The following PCSK6 variants were observed in gnomAD, a reference collection of about 807,000 sequenced individuals.
PCSK6 encodes the protein paired basic amino acid cleaving enzyme 4.
A neutral mutation model predicts 123.3 loss-of-function variants in PCSK6; 85 were observed. The observed-to-expected ratio is 0.69, with a 90% CI of 0.58 to 0.83. PCSK6 has a LOEUF of 0.83. PCSK6 is among the 40% of genes least tolerant of loss of function. PCSK6 has a pLI of 0.00. For synonymous variants in PCSK6, 508 were observed against 516.0 expected (o/e 0.98, Z 0.21); for missense variants, 1,191 against 1,282.3 (o/e 0.93, Z 1.09).
At chr15:101,311,647 T>C (rs28838282) in intron 20 of PCSK6, among the ~76,000 whole-genome samples, 5,930 of 61,358 alleles carry the variant, frequency 0.097, 323 homozygotes, top group African/African-American at 0.2. Context: ...CCCTCACAGC[T>C]CACCCCATCG....
chr15:101,326,906 G>A (rs143914795), intron 15 of PCSK6, among the ~76,000 whole-genome samples: 4 of 152,342 alleles, frequency 2.6e-5, no homozygotes, highest in Non-Finnish European at 5.9e-5. Context: ...CAACACAAGA[G>A]GGGGTGCTGA....
At position 101,488,167 on chromosome 15, in the gene PCSK6, G is replaced by A. The variant is rs567392474; in HGVS notation, c.297+1207C>T. Among the ~76,000 whole-genome samples the A allele has an allele frequency of 1.6e-3, 239 of 152,232 alleles. 1 individual carries two copies. Among genetic ancestry groups the A allele is most frequent in the African/African-American group, 5.6e-3 (231 of 41,540 alleles). On this transcript the variant is annotated intron_variant, in intron 1 of 21. Transcript: ENST00000611716. ...ACCACACCTTGCTGGCTTCTGCCAC[G>A]GATAACGATGAAACTACATTTAACA...
chr15:101,306,837 C>T (rs1307152005), intron 21 of PCSK6, among the ~76,000 whole-genome samples: 1 of 152,128 alleles, frequency 6.6e-6, no homozygotes, highest in Non-Finnish European at 1.5e-5. Flanking sequence ...AGAGACCCTC[C>T]AGGCTTCCTG....
Position 101,407,099 on chromosome 15 carries a change from T to C in PCSK6, c.824-8523A>G, listed in dbSNP as rs61010361. 3.1e-4 allele frequency among the ~76,000 whole-genome samples: 46 copies of C among 150,250 alleles called. No individual in the cohort carries two copies. The East Asian group carries it at 8.9e-3, about 29-fold the overall frequency. On this transcript the variant is annotated intron_variant, in intron 6 of 21. Coordinates refer to ENST00000611716, the MANE Select transcript of PCSK6 (RefSeq NM_002570.5). ...CGTGACCAGCGTGGGAGGCTGGCAG[T>C]GTGGTGTGGCAAGGGTATGGCCCCT... is the stretch of plus-strand genomic sequence containing the variant.
intron 6 of PCSK6, among the ~76,000 whole-genome samples, chr15:101,414,054 T>A (rs1596309540): frequency 3.3e-5 from 5 of 152,258 alleles, no homozygotes; most frequent in Middle Eastern, 3.4e-3. Flanking sequence ...TAATATCAGA[T>A]AAAGTAGACT....
chr15:101,315,433 T>C (rs2039966709), intron 19 of PCSK6, among the ~76,000 whole-genome samples: 1 of 152,236 alleles, frequency 6.6e-6, no homozygotes, highest in Non-Finnish European at 1.5e-5. Context: ...TTGAACACTT[T>C]AAAAGCACCC....
At position 101,395,784 on chromosome 15, in the gene PCSK6, C is replaced by T. The variant is rs571576701; in HGVS notation, c.997-2360G>A. On this transcript the variant is annotated intron_variant, in intron 7 of 21. Transcript: ENST00000611716. ...TCATTTCATGAGCTCAGAAGCACCGCGACTGAGGGCCAGCAAACACCGGCC... is the reference window on the plus strand; with the variant it reads ...TCATTTCATGAGCTCAGAAGCACCGTGACTGAGGGCCAGCAAACACCGGCC... 9.9e-5 allele frequency among the ~76,000 whole-genome samples: 15 copies of T among 152,284 alleles called. No homozygotes were observed. The East Asian group carries it at 1.5e-3, about 16-fold the overall frequency.
chr15:101,463,023 C>T (rs1429993610), intron 1 of PCSK6: 1 of 460,782 alleles, frequency 2.2e-6, no homozygotes, highest in East Asian at 6.6e-5. Context: ...GTTGTCTCTG[C>T]AGATGGTGGG....
At chr15:101,342,842 C>T (rs1388802888) in intron 13 of PCSK6, among the ~76,000 whole-genome samples, 1 of 151,634 alleles carries the variant, frequency 6.6e-6, no homozygotes, top group Non-Finnish European at 1.5e-5. Flanking sequence ...GCAGAAGTTA[C>T]AGTGGGCTGA....
At chr15:101,339,494 T>C (rs902338143) in intron 13 of PCSK6, among the ~76,000 whole-genome samples, 3 of 152,226 alleles carry the variant, frequency 2.0e-5, no homozygotes, top group African/African-American at 7.2e-5. Flanking sequence ...TCCATCCATT[T>C]ATAAAAATAT....
chr15:101,339,467 G>T (rs535456749), intron 13 of PCSK6, among the ~76,000 whole-genome samples: 2 of 151,984 alleles, frequency 1.3e-5, no homozygotes, highest in African/African-American at 4.8e-5. Context: ...TGGGCGGAAG[G>T]AATAAAAAAG....
intron 6 of PCSK6, among the ~76,000 whole-genome samples, chr15:101,407,618 C>G (rs2042817481): frequency 6.6e-6 from 1 of 152,226 alleles, no homozygotes; most frequent in Non-Finnish European, 1.5e-5. Context: ...TCCCCTGAGT[C>G]TGCTGAAATT....
chr15:101,408,622 C>A (rs1322091718), intron 6 of PCSK6, among the ~76,000 whole-genome samples: 2 of 152,176 alleles, frequency 1.3e-5, no homozygotes, highest in East Asian at 3.9e-4. Flanking sequence ...GTGGGGAACA[C>A]CCGCTCCCTG....
At chr15:101,376,958 A>G (rs745552738) in intron 11 of PCSK6, among the ~76,000 whole-genome samples, 10 of 152,166 alleles carry the variant, frequency 6.6e-5, no homozygotes, top group Non-Finnish European at 1.0e-4. Flanking sequence ...CTGGAGGGAG[A>G]GGCTGGGTAA....
In PCSK6 at chr15:101,389,365, A is replaced by T. The variant is rs142356746; in HGVS notation, c.1310+99T>A. ...TCACTGAATGTGCTTAATGCCGCTG[A>T]GCTGTCCACTTCAATAGGGTGAAAA... is the stretch of plus-strand genomic sequence containing the variant. On this transcript the variant is annotated intron_variant, in intron 9 of 21. Transcript: ENST00000611716. The T allele has an allele frequency of 2.2e-5, 20 of 891,874 alleles. No individual in the cohort carries two copies. The Admixed American group carries it at 3.6e-4, about 16-fold the overall frequency. The allele number at this position is 891,874 out of a possible 1,614,324, so 55.2% of individuals were successfully genotyped here.
intron 9 of PCSK6, among the ~76,000 whole-genome samples, chr15:101,387,375 G>T (rs543542989): frequency 5.0e-4 from 76 of 152,326 alleles, no homozygotes; most frequent in African/African-American, 1.8e-3. Flanking sequence ...TCAGCAGGGC[G>T]TACTCGAAGA....
At chr15:101,344,334 A>C (rs1433004664) in intron 13 of PCSK6, among the ~76,000 whole-genome samples, 1 of 152,188 alleles carries the variant, frequency 6.6e-6, no homozygotes, top group African/African-American at 2.4e-5. Flanking sequence ...AAATTGCATA[A>C]AAGATTAGAG....
At chr15:101,458,934 C>G (rs920156512) in intron 1 of PCSK6, among the ~76,000 whole-genome samples, 1 of 152,152 alleles carries the variant, frequency 6.6e-6, no homozygotes, top group Non-Finnish European at 1.5e-5. Context: ...CCCGACATCC[C>G]GCAAGCATGC....
chr15:101,381,841 C>T (rs1401271602), intron 11 of PCSK6, among the ~76,000 whole-genome samples: 1 of 152,266 alleles, frequency 6.6e-6, no homozygotes, highest in African/African-American at 2.4e-5. Flanking sequence ...GGCTGAGGAA[C>T]TGATCCCCTA....
Sources: allele counts gnomAD v4.1 joint callset (sites outside exome capture counted in the v4.1 genomes callset), GRCh38; gene constraint gnomAD v4.1.1; transcripts MANE v1.5; gene names NCBI Gene and HGNC (gene_info 2026-07-23, HGNC 2026-07-21).